PAK3: variants seen among roughly 807,000 people sequenced by gnomAD.
The protein encoded by PAK3 is p21 (RAC1) activated kinase 3.
A neutral mutation model predicts 41.0 loss-of-function variants in PAK3; 4 were observed. The ratio of observed to expected loss-of-function variants is 0.10; its 90% CI spans 0.05 to 0.22. The LOEUF is 0.22. PAK3 is among the 10% of genes least tolerant of loss of function. PAK3 has a pLI of 1.00. For synonymous variants in PAK3, 146 were observed against 139.6 expected, an observed-to-expected ratio of 1.05 and a Z score of -0.32; for missense variants, 205 against 409.9, an observed-to-expected ratio of 0.50 and a Z score of 4.32.
At chrX:111,029,187 A>G (rs368660873) in intron 1 of PAK3, among the ~76,000 whole-genome samples, 1 of 112,012 alleles carries the variant, frequency 8.9e-6, no homozygotes, top group East Asian at 2.8e-4. Flanking sequence ...TCTACCTTTG[A>G]GCAGATCACA....
At chrX:111,144,968 T>A (rs1344887250) in intron 6 of PAK3, 1 of 738,196 alleles carries the variant, frequency 1.4e-6, no homozygotes, top group Admixed American at 2.7e-5. Context: ...GATAAATGCT[T>A]GGCCTGTTAT....
At chrX:111,120,546 A>G (rs1436204871) in intron 4 of PAK3, among the ~76,000 whole-genome samples, 1 of 111,768 alleles carries the variant, frequency 8.9e-6, no homozygotes, top group Non-Finnish European at 1.9e-5. Flanking sequence ...TCAGACTCTT[A>G]CTTGTCTTAT....
chrX:111,169,480 AGAGAGAGAGAGAACAAGGGC>A (rs780496245), intron 10 of PAK3: 46 of 112,825 alleles, frequency 4.1e-4, no homozygotes, highest in Non-Finnish European at 6.8e-4. Flanking sequence ...TATTAAGTAC[AGAGAGAGAGAGAACAAGGGC>A]GAGAGAGAGA....
At position 111,163,759 on chromosome X, in the gene PAK3, A is replaced by G. The variant is rs1287327048; in HGVS notation, c.766+32A>G. 3 of 1,071,069 alleles carry G rather than the reference A, an allele frequency of 2.8e-6. No individual in the cohort carries two copies. In the South Asian group the frequency reaches 5.6e-5, roughly 20 times the overall value. The allele number at this position is 1,071,069 out of a possible 1,213,427, so 88.3% of individuals were successfully genotyped here. ...ACTTCTTGCCATGATTACTTTCTAC[A>G]CGGGAGTGTTTCTCATAAGCCATTT... On this transcript the variant is annotated intron_variant, in intron 10 of 17. Coordinates refer to ENST00000372007, the MANE Select transcript of PAK3 (RefSeq NM_002578.5).
chrX:111,095,512 A>G (rs1436927611), upstream of PAK3, among the ~76,000 whole-genome samples: 1 of 112,362 alleles, frequency 8.9e-6, no homozygotes, highest in Non-Finnish European at 1.9e-5. Flanking sequence ...CCTAAAGACA[A>G]GAGAAAGCTT....
rs1048494885 is a variant in PAK3 at position 111,124,080 on chromosome X, C to T, written c.175+802C>T. Reference sequence around the variant, plus strand: ...TGATGTCTTTAGAAGAGAAACAGGACATTCTCAATCTACTTCTTCAAGGTA... The same window carrying T: ...TGATGTCTTTAGAAGAGAAACAGGATATTCTCAATCTACTTCTTCAAGGTA... On this transcript the variant is annotated intron_variant, in intron 5 of 17. Transcript: ENST00000372007. Among the ~76,000 whole-genome samples the T allele has an allele frequency of 2.7e-5, 3 of 111,828 alleles. No homozygotes were observed. The South Asian group carries it at 1.1e-3, about 43-fold the overall frequency.
At chrX:111,145,563 G>C (rs185921926) in intron 6 of PAK3, among the ~76,000 whole-genome samples, 1 of 111,652 alleles carries the variant, frequency 9.0e-6, no homozygotes, top group East Asian at 2.8e-4. Context: ...TCATAACTGG[G>C]ATCATGCATG....
intron 1 of PAK3, among the ~76,000 whole-genome samples, chrX:111,008,480 A>AG (rs1018073215): frequency 8.0e-5 from 9 of 112,835 alleles, no homozygotes; most frequent in African/African-American, 2.6e-4. Flanking sequence ...CATTTCCCTG[A>AG]GGGCGGAGGC....
At chrX:111,177,664 A>G (rs761221601) in intron 11 of PAK3, among the ~76,000 whole-genome samples, 12 of 112,152 alleles carry the variant, frequency 1.1e-4, no homozygotes, top group Non-Finnish European at 2.1e-4. Context: ...ATAGTTATAT[A>G]AAATAACTTG....
intron 16 of PAK3, among the ~76,000 whole-genome samples, chrX:111,203,973 G>A (rs1378139814): frequency 8.9e-6 from 1 of 111,937 alleles, no homozygotes; most frequent in Non-Finnish European, 1.9e-5. Context: ...TTGATGGTTT[G>A]TTGACACTCC....
intron 4 of PAK3, among the ~76,000 whole-genome samples, chrX:111,107,489 A>G (rs1161083777): frequency 1.8e-5 from 2 of 112,294 alleles, no homozygotes; most frequent in East Asian, 5.6e-4. Context: ...GGATAAAAAG[A>G]AGCACAAACC....
intron 1 of PAK3, among the ~76,000 whole-genome samples, chrX:110,955,648 AG>A (rs1465403524): frequency 8.9e-6 from 1 of 111,879 alleles, no homozygotes; most frequent in African/African-American, 3.3e-5. Flanking sequence ...TTGATAAAAC[AG>A]GAAAGAAAGG....
At chrX:110,992,786 C>A (rs2091673273) in intron 1 of PAK3, among the ~76,000 whole-genome samples, 1 of 111,520 alleles carries the variant, frequency 9.0e-6, no homozygotes, top group South Asian at 3.9e-4. Context: ...TACTGAAAAT[C>A]TGCCTCCTTT....
At chrX:110,944,591 C>G (rs2090568500) in exon 1 of PAK3, 1 of 112,568 alleles carries the variant, frequency 8.9e-6, no homozygotes, top group East Asian at 2.8e-4. Flanking sequence ...CCTCGGCTGC[C>G]GCCCTCCTTC....
chrX:111,033,046 T>TA (rs1569508836), intron 1 of PAK3, among the ~76,000 whole-genome samples: 1 of 111,655 alleles, frequency 9.0e-6, no homozygotes, highest in African/African-American at 3.3e-5. Context: ...CAGATTTAGA[T>TA]ATGCTGGCCC....
intron 1 of PAK3, among the ~76,000 whole-genome samples, chrX:111,088,264 C>A (rs2092904537): frequency 9.0e-6 from 1 of 111,563 alleles, no homozygotes; most frequent in South Asian, 3.8e-4. Flanking sequence ...GCTGTTGGAT[C>A]CCTCATTTCA....
At chrX:110,946,367 G>C (rs2090621155) in intron 1 of PAK3, among the ~76,000 whole-genome samples, 1 of 63,460 alleles carries the variant, frequency 1.6e-5, no homozygotes, top group Non-Finnish European at 3.3e-5. Context: ...AAAAAAAAAA[G>C]CCAGTATTGC....
At chrX:111,214,690 A>G (rs2094858263) in intron 16 of PAK3, among the ~76,000 whole-genome samples, 1 of 111,298 alleles carries the variant, frequency 9.0e-6, no homozygotes, top group Non-Finnish European at 1.9e-5. Flanking sequence ...CCACTAGATT[A>G]AACGGTTGTT....
At chrX:111,158,767 G>A (rs1412306748) in intron 8 of PAK3, among the ~76,000 whole-genome samples, 1 of 112,252 alleles carries the variant, frequency 8.9e-6, no homozygotes, top group Non-Finnish European at 1.9e-5. Context: ...CCTTGGAGAT[G>A]GGGAATGGTT....
Sources: allele counts gnomAD v4.1 joint callset (sites outside exome capture counted in the v4.1 genomes callset), GRCh38; gene constraint gnomAD v4.1.1; transcripts MANE v1.5; gene names NCBI Gene and HGNC (gene_info 2026-07-23, HGNC 2026-07-21).